IARS1: variants seen among roughly 807,000 people sequenced by gnomAD.
IARS1 encodes isoleucine--tRNA ligase, cytoplasmic.
Under a neutral mutation model 168.2 loss-of-function variants are expected in IARS1, and 124 were observed. The observed-to-expected ratio is 0.74, with a 90% CI of 0.64 to 0.86. IARS1 has a LOEUF of 0.86. Among genes scored for constraint, IARS1 ranks in the 40% least tolerant of loss-of-function variants. The probability of loss-of-function intolerance (pLI) is 0.00; values close to 1 mark genes in which losing one functional copy is unlikely to be tolerated. For synonymous variants in IARS1, 532 were observed against 529.4 expected (o/e 1.00, Z -0.07); for missense variants, 1,452 against 1,515.8 (o/e 0.96, Z 0.70).
intron 33 of IARS1, 124 bp downstream of exon 33, chr9:92,222,396 G>C: frequency 1.8e-6 from 1 of 561,460 alleles, no homozygotes; most frequent in South Asian, 5.0e-5. Flanking sequence ...GTAAATTTCT[G>C]GGGAAAGAAT....
intron 30 of IARS1, among the ~76,000 whole-genome samples, chr9:92,231,438 A>C (rs992940182): frequency 8.2e-6 from 1 of 122,010 alleles, no homozygotes; most frequent in Non-Finnish European, 1.7e-5. Flanking sequence ...TTTGAGACGG[A>C]GTTTTGCTCT....
At position 92,258,852 on chromosome 9, in the gene IARS1, A is replaced by AC; in HGVS notation, c.2016+1dup. ...ACATGTGCAGCCCCCTACAGCCCAT[A>AC]CCTTCTGGAGCCTCAGAACGTTCTG... On this transcript the variant is annotated splice_donor_variant, in intron 19 of 33. Coordinates refer to ENST00000443024, the MANE Select transcript of IARS1 (RefSeq NM_002161.6). LOFTEE classifies it high-confidence loss of function. 1 of 1,604,974 alleles carries AC rather than the reference A, an allele frequency of 6.2e-7. No homozygotes were observed. The highest frequency in any genetic ancestry group is 8.5e-7 in the Non-Finnish European group (1 of 1,176,646).
At chr9:92,250,053 G>C in intron 24 of IARS1, 112 bp from the exon 25 acceptor site, 2 of 856,002 alleles carry the variant, frequency 2.3e-6, no homozygotes, top group South Asian at 1.4e-5. Context: ...GGCTGGACTA[G>C]TACTAAGTCA....
chr9:92,271,676 G>C (rs1833053825), intron 10 of IARS1, 21 bp from the exon 11 acceptor site: 2 of 1,613,450 alleles, frequency 1.2e-6, no homozygotes, highest in South Asian at 2.2e-5. Flanking sequence ...GCAAAAGAGA[G>C]GGAAGAATAA....
intron 6 of IARS1, among the ~76,000 whole-genome samples, chr9:92,282,286 C>T (rs1256859462): frequency 6.6e-6 from 1 of 151,824 alleles, no homozygotes; most frequent in African/African-American, 2.4e-5. Flanking sequence ...TTTGAAACTA[C>T]ATCAAAATTA....
chr9:92,233,671 G>A (rs962564640), intron 30 of IARS1, among the ~76,000 whole-genome samples: 69 of 152,290 alleles, frequency 4.5e-4, no homozygotes, highest in Admixed American at 1.4e-3. Context: ...ATCCATACAC[G>A]TCTCTCCACT....
intron 33 of IARS1, among the ~76,000 whole-genome samples, chr9:92,218,013 C>T (rs995389650): frequency 1.1e-4 from 17 of 152,042 alleles, no homozygotes; most frequent in African/African-American, 4.1e-4. Flanking sequence ...AACATTGATG[C>T]AAAAATCCTC....
At chr9:92,287,593 C>A in intron 4 of IARS1, 198 bp downstream of exon 4, 1 of 446,358 alleles carries the variant, frequency 2.2e-6, no homozygotes, top group South Asian at 5.7e-5. Flanking sequence ...GAAAGTTAGA[C>A]CAATTAAGCA....
chr9:92,268,061 G>A, intron 14 of IARS1, 113 bp downstream of exon 14: 1 of 1,126,454 alleles, frequency 8.9e-7, no homozygotes, highest in Non-Finnish European at 1.2e-6. Context: ...GAAAAAAGAT[G>A]AAATAAGAAA....
chr9:92,260,048 A>T, intron 18 of IARS1, 103 bp downstream of exon 18: 1 of 784,384 alleles, frequency 1.3e-6, no homozygotes, highest in Non-Finnish European at 2.2e-6. Context: ...TATGTTGCTA[A>T]AAACCTAACT....
At chr9:92,231,356 C>A (rs1393140469) in intron 30 of IARS1, among the ~76,000 whole-genome samples, 1 of 151,328 alleles carries the variant, frequency 6.6e-6, no homozygotes, top group Non-Finnish European at 1.5e-5. Context: ...ATCTGCTTAT[C>A]TGTATGCTTA....
At chr9:92,226,139 T>C (rs1374267978) in intron 31 of IARS1, among the ~76,000 whole-genome samples, 1 of 152,240 alleles carries the variant, frequency 6.6e-6, no homozygotes, top group Non-Finnish European at 1.5e-5. Flanking sequence ...GTTAGAGATT[T>C]TTCTCAGACC....
intron 31 of IARS1, among the ~76,000 whole-genome samples, chr9:92,226,129 G>GT (rs2133437023): frequency 6.6e-6 from 1 of 152,336 alleles, no homozygotes; most frequent in East Asian, 1.9e-4. Context: ...GTGGAACCTG[G>GT]TTAGAGATTT....
intron 30 of IARS1, among the ~76,000 whole-genome samples, chr9:92,233,116 A>C (rs933892229): frequency 4.6e-5 from 7 of 152,244 alleles, no homozygotes; most frequent in African/African-American, 1.4e-4. Context: ...TGACTACGTT[A>C]GATCTGCATG....
chr9:92,289,424 T>C lies in IARS1; in HGVS notation c.-5A>G, dbSNP rs1241011738. The C allele has an allele frequency of 4.5e-6, 6 of 1,327,386 alleles. No individual in the cohort carries two copies. The highest frequency in any genetic ancestry group is 1.8e-4 in the Middle Eastern group (1 of 5,500). 82.2% of individuals were successfully genotyped at this position (1,327,386 alleles called of 1,614,324 possible). On this transcript the variant is annotated splice_region_variant and 5_prime_UTR_variant, in exon 2 of 34. Transcript: ENST00000443024. ...TTCTGGAACTTGTTGAAGCATTTTG[T>C]TGCTGCAAAAGAAATCAAATTTATT...
chr9:92,248,526 A>G (rs1242144817), intron 25 of IARS1, among the ~76,000 whole-genome samples: 3 of 151,638 alleles, frequency 2.0e-5, no homozygotes, highest in Non-Finnish European at 1.5e-5. Context: ...CTGTACTACT[A>G]TGCCTAATCT....
intron 19 of IARS1, among the ~76,000 whole-genome samples, chr9:92,258,546 T>C (rs1043414050): frequency 4.6e-5 from 7 of 152,290 alleles, no homozygotes; most frequent in Admixed American, 2.0e-4. Context: ...GCCGAGATCG[T>C]GCTATTGCAA....
At chr9:92,271,127 G>T (rs774748255) in intron 11 of IARS1, 51 bp from the exon 12 acceptor site, 1 of 1,082,382 alleles carries the variant, frequency 9.2e-7, no homozygotes, top group Non-Finnish European at 1.3e-6. Flanking sequence ...TAATACTTAG[G>T]AACAATATAT....
At chr9:92,248,925 A>G (rs1177184201) in intron 25 of IARS1, among the ~76,000 whole-genome samples, 1 of 152,206 alleles carries the variant, frequency 6.6e-6, no homozygotes, top group Non-Finnish European at 1.5e-5. Context: ...CATGGAATAA[A>G]GATGTTTTAA....
Sources: allele counts gnomAD v4.1 joint callset (sites outside exome capture counted in the v4.1 genomes callset), GRCh38; gene constraint gnomAD v4.1.1; transcripts MANE v1.5; gene names NCBI Gene and HGNC (gene_info 2026-07-23, HGNC 2026-07-21).